The following DIS3L2 variants were observed in gnomAD, a reference collection of about 807,000 sequenced individuals.
DIS3L2 encodes DIS3 like 3'-5' exoribonuclease 2.
DIS3L2 carries 34 observed loss-of-function variants against 97.5 expected under a neutral mutation model. The observed-to-expected ratio is 0.35, with a 90% CI of 0.27 to 0.46. The LOEUF (loss-of-function observed/expected upper bound fraction) is 0.46, where lower values mean the gene tolerates loss of function less well. Ranked by LOEUF, DIS3L2 falls within the 20% of genes least tolerant of loss-of-function variation. DIS3L2 has a pLI of 1.00. For synonymous variants in DIS3L2, 435 were observed against 445.2 expected, an observed-to-expected ratio of 0.98 and a Z score of 0.29; for missense variants, 1,038 against 1,146.0, an observed-to-expected ratio of 0.91 and a Z score of 1.36.
intron 13 of DIS3L2, among the ~76,000 whole-genome samples, chr2:232,295,319 T>C (rs1302399317): frequency 6.6e-6 from 1 of 152,014 alleles, no homozygotes; most frequent in South Asian, 2.1e-4. Flanking sequence ...ATAATTTGTG[T>C]CCTAATTTTC....
intron 1 of DIS3L2, among the ~76,000 whole-genome samples, chr2:231,966,657 T>C (rs1692727306): frequency 8.0e-6 from 1 of 124,980 alleles, no homozygotes; most frequent in African/African-American, 3.3e-5. Context: ...TTTTTTTTTT[T>C]TTTTTTTTTT....
intron 1 of DIS3L2, among the ~76,000 whole-genome samples, chr2:231,996,798 T>C (rs1310158727): frequency 6.6e-6 from 1 of 152,224 alleles, no homozygotes; most frequent in Non-Finnish European, 1.5e-5. Context: ...AGGCTTTCTA[T>C]TTTAAAGTCC....
chr2:232,044,269 G>A (rs900573137), intron 5 of DIS3L2, among the ~76,000 whole-genome samples: 4 of 152,170 alleles, frequency 2.6e-5, no homozygotes, highest in Non-Finnish European at 5.9e-5. Flanking sequence ...AGGACTTAAA[G>A]CAAAGGGGCA....
At chr2:232,005,362 G>A (rs532048089) in intron 1 of DIS3L2, among the ~76,000 whole-genome samples, 2 of 152,126 alleles carry the variant, frequency 1.3e-5, no homozygotes, top group East Asian at 3.9e-4. Flanking sequence ...TAAGGGGTCA[G>A]CCTGAGACTT....
intron 5 of DIS3L2, among the ~76,000 whole-genome samples, chr2:232,076,918 A>G (rs886213693): frequency 1.3e-5 from 2 of 152,158 alleles, no homozygotes; most frequent in Non-Finnish European, 2.9e-5. Context: ...TGTCTTTGAA[A>G]TAGGATGCTA....
chr2:232,127,494 G>A (rs898487645), intron 6 of DIS3L2, among the ~76,000 whole-genome samples: 1 of 152,082 alleles, frequency 6.6e-6, no homozygotes, highest in African/African-American at 2.4e-5. Context: ...CACAGCTCCA[G>A]CCTCTCATGC....
chr2:231,970,873 G>T (rs1254980521), intron 1 of DIS3L2, among the ~76,000 whole-genome samples: 4 of 151,772 alleles, frequency 2.6e-5, no homozygotes, highest in Non-Finnish European at 5.9e-5. Context: ...CAAACACATT[G>T]TACAGCTGTA....
chr2:232,253,951 A>G (rs1431211232), intron 12 of DIS3L2, among the ~76,000 whole-genome samples: 2 of 152,224 alleles, frequency 1.3e-5, no homozygotes, highest in African/African-American at 2.4e-5. Context: ...TAAAGGGCAC[A>G]ATAAACCCAT....
chr2:232,273,522 T>C (rs1275633952), intron 13 of DIS3L2, among the ~76,000 whole-genome samples: 2 of 152,182 alleles, frequency 1.3e-5, no homozygotes, highest in Non-Finnish European at 2.9e-5. Flanking sequence ...TCCTTGTGAA[T>C]GAAAGGGCTG....
At chr2:232,089,003 A>G (rs1360650868) in intron 6 of DIS3L2, among the ~76,000 whole-genome samples, 3 of 152,224 alleles carry the variant, frequency 2.0e-5, no homozygotes, top group African/African-American at 7.2e-5. Flanking sequence ...GAGAAATGCC[A>G]GAAGATTTCT....
At chr2:232,334,332 C>CT (rs1695869487) in intron 17 of DIS3L2, 37 bp from the exon 18 acceptor site, 1 of 1,607,282 alleles carries the variant, frequency 6.2e-7, no homozygotes, top group African/African-American at 1.3e-5. Context: ...CCCAGCCCCC[C>CT]AGGCTCCCAC....
At chr2:232,164,795 C>T (rs1053055831) in intron 9 of DIS3L2, among the ~76,000 whole-genome samples, 1 of 152,134 alleles carries the variant, frequency 6.6e-6, no homozygotes, top group Admixed American at 6.5e-5. Context: ...ATCACTGAAC[C>T]CCTGCTAGCA....
At chr2:232,056,062 A>C (rs1695543019) in intron 5 of DIS3L2, among the ~76,000 whole-genome samples, 1 of 152,142 alleles carries the variant, frequency 6.6e-6, no homozygotes, top group African/African-American at 2.4e-5. Context: ...GGGCACCAAA[A>C]ATTTCTTAAA....
rs897817637 is a variant in DIS3L2, at chr2:232,269,434, T to C, written c.1659+5994T>C. 1.3e-5 allele frequency among the ~76,000 whole-genome samples: 2 copies of C among 152,162 alleles called. No individual in the cohort carries two copies. The highest frequency in any genetic ancestry group is 1.3e-4 in the Admixed American group (2 of 15,264). ...GGAAGCTATTGATCACAGGGTTGAGTATATTTGTAGAATCATTCTGTTTTC... is the reference window on the plus strand; with the variant it reads ...GGAAGCTATTGATCACAGGGTTGAGCATATTTGTAGAATCATTCTGTTTTC... On this transcript the variant is annotated intron_variant, in intron 13 of 20. Transcript: ENST00000325385. The surrounding 1 kb of genome is among the most constrained non-coding windows in gnomAD (Gnocchi z 4.5).
At chr2:232,321,563 G>A (rs1695432838) in intron 14 of DIS3L2, among the ~76,000 whole-genome samples, 1 of 152,192 alleles carries the variant, frequency 6.6e-6, no homozygotes, top group Non-Finnish European at 1.5e-5. Context: ...TCTGTGGGGG[G>A]TGGGAGGAGC....
intron 10 of DIS3L2, among the ~76,000 whole-genome samples, chr2:232,214,685 C>G: frequency 6.6e-6 from 1 of 152,206 alleles, no homozygotes; most frequent in East Asian, 1.9e-4. Flanking sequence ...TCTCTCCTTG[C>G]CAGTTCCTCC....
chr2:231,972,396 G>A (rs1692945818), intron 1 of DIS3L2, among the ~76,000 whole-genome samples: 1 of 152,088 alleles, frequency 6.6e-6, no homozygotes, highest in African/African-American at 2.4e-5. Context: ...CATGACTAGT[G>A]GGTTGTGCTA....
At chr2:231,989,254 G>A (rs1209559545) in intron 1 of DIS3L2, among the ~76,000 whole-genome samples, 1 of 151,874 alleles carries the variant, frequency 6.6e-6, no homozygotes, top group Non-Finnish European at 1.5e-5. Context: ...AGTGATAGTA[G>A]TTGTTGCTGA....
At chr2:232,297,433 T>G (rs1694749391) in intron 13 of DIS3L2, among the ~76,000 whole-genome samples, 1 of 152,092 alleles carries the variant, frequency 6.6e-6, no homozygotes, top group Non-Finnish European at 1.5e-5. Context: ...ATACTATACT[T>G]CTTGGGTCTA....
Sources: allele counts gnomAD v4.1 joint callset (sites outside exome capture counted in the v4.1 genomes callset), GRCh38; gene constraint gnomAD v4.1.1; non-coding constraint Gnocchi (gnomAD v3.1); transcripts MANE v1.5; gene names NCBI Gene and HGNC (gene_info 2026-07-23, HGNC 2026-07-21).